TANGO6: variants seen among roughly 807,000 people sequenced by gnomAD.
TANGO6 encodes transport and golgi organization 6 homolog.
In TANGO6, 90 loss-of-function variants were observed where a neutral mutation model predicts 114.2. The observed-to-expected ratio is 0.79, with a 90% CI of 0.66 to 0.94. TANGO6 has a LOEUF of 0.94. Ranked by LOEUF, TANGO6 falls within the 40% of genes least tolerant of loss-of-function variation. TANGO6 has a pLI of 0.00. For synonymous variants in TANGO6, 477 were observed against 509.8 expected (o/e 0.94, Z 0.87); for missense variants, 1,274 against 1,315.3 (o/e 0.97, Z 0.49).
intron 4 of TANGO6, 94 bp from the exon 5 acceptor site, chr16:68,875,060 T>A: frequency 7.4e-7 from 1 of 1,343,752 alleles, no homozygotes; most frequent in Non-Finnish European, 1.0e-6. Flanking sequence ...AAAAGATAAA[T>A]GCATTTTACC....
At chr16:69,036,690 C>T (rs1959692543) in intron 16 of TANGO6, among the ~76,000 whole-genome samples, 1 of 152,134 alleles carries the variant, frequency 6.6e-6, no homozygotes, top group Non-Finnish European at 1.5e-5. Flanking sequence ...GACCGGGGTG[C>T]AGTAGTTCAT....
At chr16:68,894,488 T>G (rs1962676825) in intron 7 of TANGO6, among the ~76,000 whole-genome samples, 1 of 151,908 alleles carries the variant, frequency 6.6e-6, no homozygotes, top group African/African-American at 2.4e-5. Flanking sequence ...AGGGGAGGTG[T>G]TACAGAAGCC....
chr16:68,866,713 G>A (rs1962183474), intron 3 of TANGO6, among the ~76,000 whole-genome samples: 1 of 151,800 alleles, frequency 6.6e-6, no homozygotes, highest in South Asian at 2.1e-4. Context: ...GAGGTGGGTG[G>A]ATCACCTGAG....
intron 17 of TANGO6, among the ~76,000 whole-genome samples, chr16:69,074,769 T>C (rs1960346437): frequency 1.3e-5 from 2 of 150,778 alleles, no homozygotes; most frequent in Non-Finnish European, 3.0e-5. Flanking sequence ...CAGCTCTCAC[T>C]CAAAATGGAG....
At chr16:68,985,857 C>T (rs1055716612) in intron 15 of TANGO6, among the ~76,000 whole-genome samples, 1 of 152,270 alleles carries the variant, frequency 6.6e-6, no homozygotes, top group Middle Eastern at 3.4e-3. Context: ...AAATGTTTTT[C>T]GGGTTTTGTT....
chr16:69,070,162 C>T (rs530201781), intron 17 of TANGO6, among the ~76,000 whole-genome samples: 3 of 150,978 alleles, frequency 2.0e-5, no homozygotes, highest in South Asian at 2.1e-4. Context: ...GAGCCGAGAT[C>T]GTGCCACTGC....
chr16:69,017,681 G>A (rs1275100175), intron 15 of TANGO6, among the ~76,000 whole-genome samples: 1 of 152,076 alleles, frequency 6.6e-6, no homozygotes, highest in African/African-American at 2.4e-5. Flanking sequence ...GGGCCTGAGA[G>A]GTCATCTTGT....
At chr16:68,927,174 G>A (rs149799514) in intron 12 of TANGO6, among the ~76,000 whole-genome samples, 54 of 152,244 alleles carry the variant, frequency 3.5e-4, no homozygotes, top group African/African-American at 1.1e-3. Context: ...GGGAGACTGC[G>A]TAGGGTATTG....
chr16:68,862,667 T>TGA (rs1392897925), intron 2 of TANGO6, among the ~76,000 whole-genome samples: 2 of 152,176 alleles, frequency 1.3e-5, no homozygotes, highest in African/African-American at 4.8e-5. Context: ...AGGAATGAGC[T>TGA]GAGAGATGCT....
chr16:69,077,745 C>T (rs1290083103), intron 17 of TANGO6, among the ~76,000 whole-genome samples: 1 of 152,086 alleles, frequency 6.6e-6, no homozygotes, highest in Non-Finnish European at 1.5e-5. Context: ...ACAAGAATCG[C>T]TTGAACCCAG....
rs546825543 is a variant in TANGO6 at position 69,007,269 on chromosome 16, C to CT, written c.2843-15542dup. The CT allele has an allele frequency of 8.2e-3, 929 of 112,706 alleles. 7 individuals are homozygous for CT. Among genetic ancestry groups the CT allele is most frequent in the African/African-American group, 0.016 (474 of 29,292 alleles). The allele number at this position is 112,706 out of a possible 1,614,324, so 7.0% of individuals were successfully genotyped here. A position where few individuals can be genotyped will look rare whatever the true frequency, so the allele number is the denominator to read the frequency against. On this transcript the variant is annotated intron_variant, in intron 15 of 17. Transcript: ENST00000261778. ...CACATTTTTTTTTCTTTTTTCTTTT[C>CT]TTTTTTTTTTTTTTTTTCGAGACTG...
intron 17 of TANGO6, among the ~76,000 whole-genome samples, chr16:69,041,338 C>T (rs1055868439): frequency 1.3e-5 from 2 of 151,630 alleles, no homozygotes; most frequent in Non-Finnish European, 2.9e-5. Flanking sequence ...CCCATCTACT[C>T]GGGAGGCTGA....
intron 17 of TANGO6, among the ~76,000 whole-genome samples, chr16:69,075,455 A>T (rs1188393664): frequency 3.2e-4 from 45 of 138,976 alleles, no homozygotes; most frequent in Middle Eastern, 3.8e-3. Flanking sequence ...TTCAACTTTT[A>T]TTTTTTTTTT....
chr16:68,948,563 G>T (rs986801822), intron 14 of TANGO6, among the ~76,000 whole-genome samples: 1 of 152,178 alleles, frequency 6.6e-6, no homozygotes, highest in African/African-American at 2.4e-5. Flanking sequence ...TTCCCAAGAT[G>T]CAAGGGCTGA....
Position 68,923,607 on chromosome 16 carries a change from C to T in TANGO6, c.2128-3961C>T, listed in dbSNP as rs114220566. On this transcript the variant is annotated intron_variant, in intron 12 of 17. Transcript: ENST00000261778. ...TTATTTCAAGCTGTTATATAGAACT[C>T]CAAAGAGCAGACAATCCTTCTTAAT... Among the ~76,000 whole-genome samples, 576 of 152,216 alleles carry T rather than the reference C, an allele frequency of 3.8e-3. 6 individuals carry two copies. Among genetic ancestry groups the T allele is most frequent in the African/African-American group, 0.014 (561 of 41,534 alleles).
intron 16 of TANGO6, among the ~76,000 whole-genome samples, chr16:69,039,475 A>G (rs535726158): frequency 2.0e-5 from 3 of 152,160 alleles, no homozygotes; most frequent in Admixed American, 2.0e-4. Flanking sequence ...ATCTCTACAA[A>G]AAATAATCAA....
chr16:68,843,800 C>T lies in TANGO6; in HGVS notation c.94+89C>T, dbSNP rs16958412. Reference sequence around the variant, plus strand: ...GCTGCCCTGCCTTCCGCAGCGTGCGCCCCTTAGGCCCGCCTCGGGACCCTC... The same window carrying T: ...GCTGCCCTGCCTTCCGCAGCGTGCGTCCCTTAGGCCCGCCTCGGGACCCTC... On this transcript the variant is annotated intron_variant, in intron 1 of 17. Coordinates refer to ENST00000261778, the MANE Select transcript of TANGO6 (RefSeq NM_024562.2). The T allele has an allele frequency of 4.9e-3, 6,362 of 1,296,236 alleles. 227 individuals are homozygous for T. In the African/African-American group the frequency reaches 0.082, roughly 17 times the overall value. 80.3% of individuals were successfully genotyped at this position (1,296,236 alleles called of 1,614,324 possible).
chr16:69,066,699 A>G (rs1383063894), intron 17 of TANGO6, among the ~76,000 whole-genome samples: 2 of 152,164 alleles, frequency 1.3e-5, no homozygotes, highest in African/African-American at 4.8e-5. Context: ...GATGATAGTG[A>G]AATACTCTCA....
intron 15 of TANGO6, among the ~76,000 whole-genome samples, chr16:69,004,256 A>G (rs1964070406): frequency 6.6e-6 from 1 of 152,358 alleles, no homozygotes; most frequent in African/African-American, 2.4e-5. Flanking sequence ...ATGCACACAC[A>G]TAAAGATCCA....
Sources: gnomAD v4.1 joint callset for allele counts (sites outside exome capture counted in the v4.1 genomes callset) on GRCh38, gnomAD v4.1.1 for gene constraint, MANE v1.5 for transcripts, NCBI Gene and HGNC (gene_info 2026-07-23, HGNC 2026-07-21) for gene names.